The following ZRANB3 variants were observed in gnomAD, a reference collection of about 807,000 sequenced individuals.
ZRANB3 encodes zinc finger RANBP2-type containing 3, also known as DNA annealing helicase and endonuclease ZRANB3.
In ZRANB3, 125 loss-of-function variants were observed where a neutral mutation model predicts 133.8. That is an observed-to-expected ratio of 0.93 (90% confidence interval 0.81 to 1.08). The LOEUF is 1.08. Among genes scored for constraint, ZRANB3 ranks in the 50% least tolerant of loss-of-function variants. ZRANB3 has a pLI of 0.00. For missense variants in ZRANB3, 1,229 were observed against 1,275.5 expected (o/e 0.96, Z 0.56); for synonymous variants, 387 against 432.7 (o/e 0.89, Z 1.31).
chr2:135,221,905 T>G (rs977924438), intron 15 of ZRANB3, among the ~76,000 whole-genome samples: 3 of 152,178 alleles, frequency 2.0e-5, no homozygotes, highest in Admixed American at 6.5e-5. Flanking sequence ...GCTTGGGGAT[T>G]CTGGTATTCA....
At chr2:135,268,508 T>C (rs1218955090) in intron 11 of ZRANB3, among the ~76,000 whole-genome samples, 1 of 152,142 alleles carries the variant, frequency 6.6e-6, no homozygotes, top group Non-Finnish European at 1.5e-5. Flanking sequence ...CTATAAACAT[T>C]GTCAAGACTG....
rs1196575675 is a variant in ZRANB3 at position 135,273,058 on chromosome 2, C to T, written c.1087-1171G>A. Among the ~76,000 whole-genome samples, 8 of 151,526 alleles carry T rather than the reference C, an allele frequency of 5.3e-5. No homozygotes were observed. The South Asian group carries it at 8.4e-4, about 16-fold the overall frequency. On this transcript the variant is annotated intron_variant, in intron 9 of 20. Coordinates refer to ENST00000264159, the MANE Select transcript of ZRANB3 (RefSeq NM_032143.4). ...AAAATTAGCTGGACGTGGTGGCGGG[C>T]GCCTGTAGTCCCAGATACTCGGGAG...
chr2:135,362,982 C>T (rs1685756845), intron 3 of ZRANB3, among the ~76,000 whole-genome samples: 2 of 151,972 alleles, frequency 1.3e-5, no homozygotes, highest in Admixed American at 1.3e-4. Flanking sequence ...ATTTATGTTC[C>T]TGAAACCCTT....
rs551845379 is a variant in ZRANB3 at position 135,293,270 on chromosome 2, T to C, written c.967-17515A>G. On this transcript the variant is annotated intron_variant, in intron 8 of 20. Coordinates refer to ENST00000264159, the MANE Select transcript of ZRANB3 (RefSeq NM_032143.4). ...TTTGTTTGTATCCTCTTTTATTTCA[T>C]TGAGCAGTGGTTTGTAGTTCTCCTT... 8.3e-4 allele frequency among the ~76,000 whole-genome samples: 126 copies of C among 152,196 alleles called. 1 individual carries two copies. Among genetic ancestry groups the C allele is most frequent in the African/African-American group, 2.6e-3 (108 of 41,504 alleles).
rs537930489 is a variant in ZRANB3, at chr2:135,257,658, T to C, written c.1539+7876A>G. Among the ~76,000 whole-genome samples, 10 of 152,364 alleles carry C rather than the reference T, an allele frequency of 6.6e-5. No homozygotes were observed. The East Asian group carries it at 1.7e-3, about 26-fold the overall frequency. On this transcript the variant is annotated intron_variant, in intron 12 of 20. Transcript: ENST00000264159. ...AATCTCATTGTGGTTTTGACTTGTA[T>C]TTCATATAATCTTAATAGATGTTTA...
intron 4 of ZRANB3, among the ~76,000 whole-genome samples, chr2:135,352,766 C>A (rs1207157410): frequency 6.6e-6 from 1 of 152,040 alleles, no homozygotes; most frequent in Non-Finnish European, 1.5e-5. Context: ...TACTGTACTG[C>A]TTTTTATTTA....
chr2:135,286,903 G>T (rs1342938968), intron 8 of ZRANB3, among the ~76,000 whole-genome samples: 3 of 152,160 alleles, frequency 2.0e-5, no homozygotes, highest in African/African-American at 4.8e-5. Context: ...TCCTTTTGCT[G>T]TGCAGAAGCT....
At chr2:135,526,357 T>A (rs1234333426) in intron 1 of ZRANB3, among the ~76,000 whole-genome samples, 1 of 152,024 alleles carries the variant, frequency 6.6e-6, no homozygotes, top group Non-Finnish European at 1.5e-5. Flanking sequence ...AGAGACAGGG[T>A]TTCACCATGT....
chr2:135,520,064 T>C (rs1373465816), intron 1 of ZRANB3, among the ~76,000 whole-genome samples: 1 of 150,106 alleles, frequency 6.7e-6, no homozygotes, highest in Non-Finnish European at 1.5e-5. Context: ...CATTAAATCT[T>C]TTTTTTCCAC....
chr2:135,286,514 G>A (rs936843406), intron 8 of ZRANB3, among the ~76,000 whole-genome samples: 1 of 152,174 alleles, frequency 6.6e-6, no homozygotes, highest in Non-Finnish European at 1.5e-5. Flanking sequence ...CTGGCCTCAA[G>A]TGATCTGCCT....
intron 1 of ZRANB3, among the ~76,000 whole-genome samples, chr2:135,525,534 GTA>G (rs1435398903): frequency 6.6e-6 from 1 of 152,150 alleles, no homozygotes; most frequent in African/African-American, 2.4e-5. Flanking sequence ...GTACTTCTGG[GTA>G]TATATCCGAA....
intron 5 of ZRANB3, among the ~76,000 whole-genome samples, chr2:135,346,459 T>C (rs775021354): frequency 6.6e-6 from 1 of 152,180 alleles, no homozygotes. Flanking sequence ...TGTGTGTATA[T>C]ATATATGAAT....
Position 135,219,115 on chromosome 2 carries a change from A to T in ZRANB3, c.2314T>A (p.Leu772Ile). The change falls in exon 16 of 21, where the codon TTA (leucine) becomes ATA (isoleucine). Residue 772 changes from leucine (L) to isoleucine (I), a missense_variant. Leu to Ile is a conservative substitution (Grantham distance 5). Transcript: ENST00000264159. ...LDIKLDLWED[L>I]PASFQLKQYR... ...TGTTTCAGCTGAAAGCTTGCTGGTA[A>T]ATCTTCCCAAAGGTCTAATTTTATA... The T allele has an allele frequency of 6.5e-7, 1 of 1,534,136 alleles. No individual in the cohort carries two copies. The highest frequency in any genetic ancestry group is 2.3e-5 in the Admixed American group (1 of 42,776).
chr2:135,348,068 G>A (rs530542115), intron 5 of ZRANB3, among the ~76,000 whole-genome samples: 6 of 152,122 alleles, frequency 3.9e-5, no homozygotes, highest in Admixed American at 2.0e-4. Flanking sequence ...AGACCAGCCT[G>A]GCCAACATGG....
chr2:135,281,360 T>A (rs186131082), intron 8 of ZRANB3, among the ~76,000 whole-genome samples: 2 of 151,896 alleles, frequency 1.3e-5, no homozygotes, highest in African/African-American at 2.4e-5. Context: ...TTTTTTTTTT[T>A]AAAGCTCTTT....
intron 9 of ZRANB3, among the ~76,000 whole-genome samples, chr2:135,273,565 T>C (rs1434441705): frequency 6.6e-6 from 1 of 152,104 alleles, no homozygotes; most frequent in Non-Finnish European, 1.5e-5. Context: ...GACGAAGTTT[T>C]GCTCTTATTG....
At chr2:135,344,723 G>A (rs1018112007) in intron 6 of ZRANB3, among the ~76,000 whole-genome samples, 9 of 152,014 alleles carry the variant, frequency 5.9e-5, no homozygotes, top group Admixed American at 1.3e-4. Flanking sequence ...CCTGGGTAAC[G>A]GAGCGAGACT....
intron 2 of ZRANB3, among the ~76,000 whole-genome samples, chr2:135,467,033 C>T (rs752275304): frequency 3.9e-5 from 6 of 152,074 alleles, no homozygotes; most frequent in African/African-American, 7.2e-5. Flanking sequence ...AAGTGTGATG[C>T]TATTCTATTA....
chr2:135,220,280 A>G (rs1380916931), intron 15 of ZRANB3, among the ~76,000 whole-genome samples: 1 of 152,054 alleles, frequency 6.6e-6, no homozygotes, highest in Non-Finnish European at 1.5e-5. Flanking sequence ...GGGGAAGAAG[A>G]ACATCTCATA....
Sources: allele counts gnomAD v4.1 joint callset (sites outside exome capture counted in the v4.1 genomes callset), GRCh38; gene constraint gnomAD v4.1.1; transcripts MANE v1.5; gene names NCBI Gene and HGNC (gene_info 2026-07-23, HGNC 2026-07-21).